The following IL20 variants were observed in gnomAD, a reference collection of about 807,000 sequenced individuals.
The protein encoded by IL20 is interleukin-20.
IL20 carries 22 observed loss-of-function variants against 19.2 expected under a neutral mutation model. That is an observed-to-expected ratio of 1.15 (90% CI 0.82 to 1.64). The LOEUF is 1.64. Among genes scored for constraint, IL20 ranks in the 40% most tolerant of loss-of-function variants. The probability of loss-of-function intolerance (pLI) is 0.00; values close to 1 mark genes in which losing one functional copy is unlikely to be tolerated. For synonymous variants in IL20, 70 were observed against 76.2 expected, an observed-to-expected ratio of 0.92 and a Z score of 0.43; for missense variants, 215 against 212.8, an observed-to-expected ratio of 1.01 and a Z score of -0.06.
chr1:206,868,568 GA>G lies in IL20; in HGVS notation c.*7del. On this transcript the variant is annotated 3_prime_UTR_variant, in exon 6 of 6. Transcript: ENST00000367098. ...ATGGATGGAGGAGACAGAATAGGAG[GA>G]AAGTGATGCTGCTGCTAAGAATATT... 1 of 1,596,024 alleles carries G rather than the reference GA, an allele frequency of 6.3e-7. No individual in the cohort carries two copies.
At chr1:206,863,571 C>A (rs922963945), upstream of IL20, among the ~76,000 whole-genome samples, 3 of 152,084 alleles carry the variant, frequency 2.0e-5, no homozygotes, top group Admixed American at 2.0e-4. Context: ...AAACAGGCTC[C>A]TAGGAGACCA....
At chr1:206,866,132 C>G in intron 2 of IL20, 121 bp downstream of exon 2, 1 of 1,171,116 alleles carries the variant, frequency 8.5e-7, no homozygotes, top group African/African-American at 1.5e-5. Flanking sequence ...ATTCCTTACC[C>G]GGGGGATGTA....
Position 206,866,596 on chromosome 1 carries a change from C to T in IL20, c.338C>T (p.Ala113Val). 1.9e-6 allele frequency: 3 copies of T among 1,614,148 alleles called. No individual in the cohort carries two copies. Among genetic ancestry groups the T allele is most frequent in the Non-Finnish European group, 1.7e-6 (2 of 1,180,012 alleles). The change falls in exon 4 of 6, where the codon GCC becomes GTC. Residue 113 changes from alanine (A) to valine (V), a missense_variant. Physicochemically the swap from Ala to Val is moderately conservative, Grantham distance 64. Transcript: ENST00000367098. The part of the protein sequence containing the change: ...HYTLRKISSL[A>V]NSFLTIKKDL... ...ACTCTCCGGAAGATCAGCAGCCTCG[C>T]CAATTCCTTTCTTACCATCAAGAAG... is the stretch of plus-strand genomic sequence containing the variant.
intron 3 of IL20, 27 bp from the exon 4 acceptor site, chr1:206,866,457 C>T (rs779913461): frequency 1.2e-6 from 2 of 1,613,906 alleles, no homozygotes; most frequent in East Asian, 4.5e-5. Flanking sequence ...CCTTTCCCCT[C>T]ACCAATATAC....
upstream of IL20, among the ~76,000 whole-genome samples, chr1:206,864,414 T>C (rs189050273): frequency 6.6e-6 from 1 of 152,128 alleles, no homozygotes; most frequent in African/African-American, 2.4e-5. Context: ...CATATATATA[T>C]ATGATGTGTG....
intron 5 of IL20, among the ~76,000 whole-genome samples, chr1:206,868,035 C>T (rs2102506701): frequency 6.6e-6 from 1 of 152,210 alleles, no homozygotes; most frequent in East Asian, 1.9e-4. Context: ...TGCCAGTCTC[C>T]TCACTCAACT....
Position 206,866,000 on chromosome 1 carries a change from C to A in IL20, c.148C>A (p.Arg50=). Residue 50 remains arginine (R), a synonymous_variant, in exon 2 of 6, where the codon CGG becomes AGG. Transcript: ENST00000367098. This position sits in a 1 kb window ranked among gnomAD's most constrained non-coding sequence, Gnocchi z 4.1. Reference sequence around the variant, plus strand: ...AATACGAAATGGATTTTCTGAGATACGGGGCAGTGTGGTACGTAAGCGGGT... The same window carrying A: ...AATACGAAATGGATTTTCTGAGATAAGGGGCAGTGTGGTACGTAAGCGGGT... The part of the protein sequence containing the change: ...QEIRNGFSEI[R]GSVQAKDGNI... The A allele has an allele frequency of 1.9e-6, 3 of 1,613,984 alleles. No homozygotes were observed. The highest frequency in any genetic ancestry group is 2.5e-6 in the Non-Finnish European group (3 of 1,179,910).
In IL20 at chr1:206,867,139, T is replaced by G. The variant is rs528458618; in HGVS notation, c.379-245T>G. Among the ~76,000 whole-genome samples the G allele has an allele frequency of 2.2e-4, 33 of 152,060 alleles. No individual in the cohort carries two copies. The South Asian group carries it at 6.4e-3, about 30-fold the overall frequency. On this transcript the variant is annotated intron_variant, in intron 4 of 5. Transcript: ENST00000367098. ...ATGGGGTACGGGGATGGCAAATGCC[T>G]TCAGTACTGCCTGCCTATTTCTAAA...
In IL20 at chr1:206,867,709, T is replaced by A. The variant is rs935963277; in HGVS notation, c.453+251T>A. 3.9e-5 allele frequency among the ~76,000 whole-genome samples: 6 copies of A among 152,330 alleles called. No individual in the cohort carries two copies. The East Asian group carries it at 9.6e-4, about 24-fold the overall frequency. ...TCCATCAAGTCACTACAGTGACATC[T>A]GGATCTTTTAGCTGCACAAACCAGA... On this transcript the variant is annotated intron_variant, in intron 5 of 5. Transcript: ENST00000367098.
At chr1:206,864,664 A>T (rs1310631506), upstream of IL20, among the ~76,000 whole-genome samples, 2 of 152,076 alleles carry the variant, frequency 1.3e-5, no homozygotes, top group Admixed American at 6.6e-5. Flanking sequence ...AACCATTAAG[A>T]ATGAAACATG....
chr1:206,868,170 G>GCGCA (rs143828962), intron 5 of IL20, among the ~76,000 whole-genome samples: 20 of 148,932 alleles, frequency 1.3e-4, no homozygotes, highest in African/African-American at 4.7e-4. Flanking sequence ...ACAGGCACGT[G>GCGCA]CACACACACA....
upstream of IL20, among the ~76,000 whole-genome samples, chr1:206,864,072 A>C (rs1303985335): frequency 2.6e-5 from 4 of 152,240 alleles, no homozygotes; most frequent in Middle Eastern, 3.4e-3. Context: ...TGGTTTTTCC[A>C]GTTTTAAAAC....
chr1:206,868,115 C>A (rs1421158021), intron 5 of IL20, among the ~76,000 whole-genome samples: 1 of 152,038 alleles, frequency 6.6e-6, no homozygotes. Flanking sequence ...CAATCAATAT[C>A]TGTTCAACTG....
chr1:206,866,102 T>C, intron 2 of IL20, 91 bp downstream of exon 2: 2 of 1,332,558 alleles, frequency 1.5e-6, no homozygotes, highest in South Asian at 2.5e-5. Flanking sequence ...AGTGTAATCA[T>C]AAAAAGAGGC....
chr1:206,866,704 CTCTT>C (rs1319827206), intron 4 of IL20, 68 bp downstream of exon 4: 1 of 1,433,784 alleles, frequency 7.0e-7, no homozygotes, highest in East Asian at 2.3e-5. Flanking sequence ...CAACTAAACT[CTCTT>C]TCCTACCTCC....
chr1:206,863,942 C>T (rs1572587702), upstream of IL20, among the ~76,000 whole-genome samples: 1 of 152,084 alleles, frequency 6.6e-6, no homozygotes, highest in Admixed American at 6.5e-5. Context: ...AAAATCAAAA[C>T]AATTTCTGGG....
chr1:206,866,621 G>A lies in IL20; in HGVS notation c.363G>A (p.Lys121=). The A allele has an allele frequency of 1.2e-6, 2 of 1,614,080 alleles. No individual in the cohort carries two copies. The highest frequency in any genetic ancestry group is 1.7e-6 in the Non-Finnish European group (2 of 1,179,982). The change falls in exon 4 of 6, where the codon AAG becomes AAA. Residue 121 remains lysine, a synonymous_variant. Coordinates refer to ENST00000367098, the MANE Select transcript of IL20 (RefSeq NM_018724.4). ...SLANSFLTIK[K]DLRLCHAHMT... Reference sequence around the variant, plus strand: ...CCAATTCCTTTCTTACCATCAAGAAGGACCTCCGGCTCTGTGTGAGTGTGG... The same window carrying A: ...CCAATTCCTTTCTTACCATCAAGAAAGACCTCCGGCTCTGTGTGAGTGTGG...
chr1:206,866,106 A>T, intron 2 of IL20, 95 bp downstream of exon 2: 1 of 1,310,128 alleles, frequency 7.6e-7, no homozygotes, highest in Non-Finnish European at 1.1e-6. Flanking sequence ...TAATCATAAA[A>T]AGAGGCAGGC....
intron 4 of IL20, 25 bp downstream of exon 4, chr1:206,866,661 G>T: frequency 1.2e-6 from 2 of 1,610,278 alleles, no homozygotes; most frequent in Non-Finnish European, 1.7e-6. Flanking sequence ...TGGGTGACAG[G>T]ATGCATCTCA....
Sources: allele counts gnomAD v4.1 joint callset (sites outside exome capture counted in the v4.1 genomes callset), GRCh38; gene constraint gnomAD v4.1.1; non-coding constraint Gnocchi (gnomAD v3.1); transcripts MANE v1.5; gene names NCBI Gene and HGNC (gene_info 2026-07-23, HGNC 2026-07-21).